The following PTP4A1 variants were observed in gnomAD, a reference collection of about 807,000 sequenced individuals.
PTP4A1 encodes protein tyrosine phosphatase 4A1, also known as protein tyrosine phosphatase type IVA 1.
Under a neutral mutation model 20.5 loss-of-function variants are expected in PTP4A1, and 9 were observed. That is an observed-to-expected ratio of 0.44 (90% CI 0.26 to 0.77). The LOEUF is 0.77. PTP4A1 is among the 30% of genes least tolerant of loss of function. PTP4A1 has a pLI of 0.19. For synonymous variants in PTP4A1, 78 were observed against 67.4 expected (o/e 1.16, Z -0.77); for missense variants, 137 against 218.8 (o/e 0.63, Z 2.36).
At chr6:63,572,433 T>G (rs1022980803), upstream of PTP4A1, 15 of 365,452 alleles carry the variant, frequency 4.1e-5, no homozygotes, top group African/African-American at 1.1e-4. Flanking sequence ...GGCTGGAGGG[T>G]TGCACGTCGC....
Position 63,582,258 on chromosome 6 carries a change from G to A in PTP4A1, c.*2084G>A, listed in dbSNP as rs1778284176. ...AATTTTATATAATCAATTACTAAAT[G>A]TTAAACTATTACCACACAGCCCATA... On this transcript the variant is annotated 3_prime_UTR_variant, in exon 6 of 6. Transcript: ENST00000626021. The A allele has an allele frequency of 6.6e-6, 1 of 152,228 alleles. No individual in the cohort carries two copies. Among genetic ancestry groups the A allele is most frequent in the East Asian group, 1.9e-4 (1 of 5,176 alleles). 9.4% of individuals were successfully genotyped at this position (152,228 alleles called of 1,614,324 possible).
At chr6:63,561,788 T>C (rs913889815) in intron 3 of PTP4A1, among the ~76,000 whole-genome samples, 1 of 152,272 alleles carries the variant, frequency 6.6e-6, no homozygotes, top group South Asian at 2.1e-4. Flanking sequence ...CAAATACACA[T>C]TGAAAGTAAA....
chr6:63,578,688 G>T (rs914508945), intron 3 of PTP4A1, among the ~76,000 whole-genome samples, 159 bp downstream of exon 3: 6 of 152,102 alleles, frequency 3.9e-5, no homozygotes, highest in African/African-American at 1.4e-4. Context: ...CTAAATAAAG[G>T]TGAAAAGCTA....
chr6:63,572,736 T>C lies in PTP4A1; in HGVS notation c.-446+17T>C. The C allele has an allele frequency of 2.5e-6, 1 of 398,322 alleles. No individual in the cohort carries two copies. The highest frequency in any genetic ancestry group is 3.6e-5 in the East Asian group (1 of 28,040). 24.7% of individuals were successfully genotyped at this position (398,322 alleles called of 1,614,324 possible). On this transcript the variant is annotated intron_variant, in intron 1 of 5. Coordinates refer to ENST00000626021, the MANE Select transcript of PTP4A1 (RefSeq NM_003463.5). ...CATATTCCTGTGAGTAGCCGTCGCATCGTCGCCTCTCGGGCTGGGAATCCA... is the reference window on the plus strand; with the variant it reads ...CATATTCCTGTGAGTAGCCGTCGCACCGTCGCCTCTCGGGCTGGGAATCCA...
At chr6:63,541,145 A>C (rs771023644) in intron 2 of PTP4A1, among the ~76,000 whole-genome samples, 12 of 152,204 alleles carry the variant, frequency 7.9e-5, no homozygotes, top group Non-Finnish European at 1.3e-4. Flanking sequence ...TATATAGTTT[A>C]AAAGAAATCT....
chr6:63,521,313 T>C (rs1291751709), upstream of PTP4A1, among the ~76,000 whole-genome samples: 2 of 152,178 alleles, frequency 1.3e-5, no homozygotes, highest in Non-Finnish European at 2.9e-5. Flanking sequence ...AATATCTGGC[T>C]TGTCGTATTC....
At chr6:63,532,372 C>T (rs915557355) in intron 2 of PTP4A1, among the ~76,000 whole-genome samples, 2 of 152,136 alleles carry the variant, frequency 1.3e-5, no homozygotes, top group Non-Finnish European at 2.9e-5. Context: ...TCATACCTCT[C>T]AAATCTTGAA....
intron 3 of PTP4A1, among the ~76,000 whole-genome samples, chr6:63,562,087 T>C (rs1330955734): frequency 6.6e-6 from 1 of 152,210 alleles, no homozygotes; most frequent in East Asian, 1.9e-4. Context: ...TATTTAAATG[T>C]CAGTTATTAC....
intron 2 of PTP4A1, among the ~76,000 whole-genome samples, chr6:63,532,566 C>T (rs1212963023): frequency 6.6e-6 from 1 of 151,702 alleles, no homozygotes. Context: ...GCCATTAAAT[C>T]CACAAAAAAA....
intron 4 of PTP4A1, 25 bp from the exon 5 acceptor site, chr6:63,579,232 T>A: frequency 3.2e-6 from 5 of 1,575,972 alleles, no homozygotes; most frequent in Non-Finnish European, 4.3e-6. Flanking sequence ...GAAAAAACTA[T>A]TTATCAAAAT....
intron 2 of PTP4A1, among the ~76,000 whole-genome samples, chr6:63,533,110 G>A (rs183046770): frequency 1.3e-5 from 2 of 152,284 alleles, no homozygotes; most frequent in African/African-American, 2.4e-5. Context: ...GGCTGGGCGA[G>A]GTGGCTCATG....
chr6:63,572,403 G>T (rs934056809), upstream of PTP4A1: 1 of 343,492 alleles, frequency 2.9e-6, no homozygotes, highest in Non-Finnish European at 5.2e-6. Flanking sequence ...CCTGGCCCGC[G>T]GTTCCAGGCC....
At chr6:63,560,586 T>TA (rs1776901750) in intron 3 of PTP4A1, among the ~76,000 whole-genome samples, 1 of 151,738 alleles carries the variant, frequency 6.6e-6, no homozygotes, top group African/African-American at 2.4e-5. Flanking sequence ...TTTTTTTAAG[T>TA]AAAGATGGGT....
chr6:63,571,751 G>A (rs922619523), upstream of PTP4A1: 1 of 152,132 alleles, frequency 6.6e-6, no homozygotes, highest in Non-Finnish European at 1.5e-5. Context: ...AGTATAGAGA[G>A]GTGTGATCAA....
At chr6:63,545,362 C>A (rs1171063394) in intron 2 of PTP4A1, among the ~76,000 whole-genome samples, 1 of 152,180 alleles carries the variant, frequency 6.6e-6, no homozygotes, top group African/African-American at 2.4e-5. Flanking sequence ...GTAATCCCAG[C>A]ACTTTGGGAG....
intron 1 of PTP4A1, among the ~76,000 whole-genome samples, chr6:63,574,307 C>T (rs1018834213): frequency 6.6e-6 from 1 of 152,214 alleles, no homozygotes; most frequent in Non-Finnish European, 1.5e-5. Context: ...ACAGAGATTA[C>T]TCTTTCCTCC....
chr6:63,579,474 T>C, intron 5 of PTP4A1, 143 bp downstream of exon 5: 1 of 570,988 alleles, frequency 1.8e-6, no homozygotes, highest in Non-Finnish European at 2.9e-6. Flanking sequence ...GATCTTACAT[T>C]CTTTTTTGCA....
At chr6:63,521,379 A>G (rs1774920125), upstream of PTP4A1, among the ~76,000 whole-genome samples, 1 of 152,176 alleles carries the variant, frequency 6.6e-6, no homozygotes, top group Admixed American at 6.6e-5. Context: ...TCAATTCAGC[A>G]TTTTTCTCCC....
chr6:63,558,094 A>T (rs2149493880), intron 3 of PTP4A1, among the ~76,000 whole-genome samples: 1 of 151,732 alleles, frequency 6.6e-6, no homozygotes, highest in South Asian at 2.1e-4. Flanking sequence ...CTGGTCTCGA[A>T]CTCCTGACCT....
Sources: allele counts gnomAD v4.1 joint callset (sites outside exome capture counted in the v4.1 genomes callset), GRCh38; gene constraint gnomAD v4.1.1; transcripts MANE v1.5; gene names NCBI Gene and HGNC (gene_info 2026-07-23, HGNC 2026-07-21).